Variants in SNX6 observed in about 807,000 individuals in gnomAD.
SNX6 encodes the protein sorting nexin-6.
A neutral mutation model predicts 63.0 loss-of-function variants in SNX6; 34 were observed. The observed-to-expected ratio is 0.54, with a 90% confidence interval of 0.41 to 0.72. The LOEUF is 0.72. SNX6 is among the 30% of genes least tolerant of loss of function. SNX6 has a pLI of 0.00. For missense variants in SNX6, 398 were observed against 471.4 expected (o/e 0.84, Z 1.44); for synonymous variants, 170 against 164.2 (o/e 1.04, Z -0.27).
intron 2 of SNX6, chr14:34,629,509 C>G (rs770188895): frequency 2.2e-5 from 11 of 495,724 alleles, no homozygotes; most frequent in Non-Finnish European, 4.3e-5. Context: ...TTCGAGATGT[C>G]CACACCGGGT....
At chr14:34,603,221 T>G in intron 6 of SNX6, 127 bp downstream of exon 6, 1 of 834,736 alleles carries the variant, frequency 1.2e-6, no homozygotes, top group Non-Finnish European at 1.7e-6. Context: ...GAGCTTGCAG[T>G]GAGCCAAGAT....
At chr14:34,628,555 G>A (rs773736272) in intron 2 of SNX6, among the ~76,000 whole-genome samples, 1 of 152,048 alleles carries the variant, frequency 6.6e-6, no homozygotes, top group Non-Finnish European at 1.5e-5. Context: ...CTTAAGCCCA[G>A]GAGGTCAAGG....
At chr14:34,601,746 C>G (rs1229347450) in intron 6 of SNX6, among the ~76,000 whole-genome samples, 1 of 151,686 alleles carries the variant, frequency 6.6e-6, no homozygotes, top group Non-Finnish European at 1.5e-5. Flanking sequence ...AGGCGCCCAC[C>G]ACCATGCCCA....
At chr14:34,596,634 G>A (rs1289815628) in intron 7 of SNX6, among the ~76,000 whole-genome samples, 3 of 120,736 alleles carry the variant, frequency 2.5e-5, no homozygotes, top group African/African-American at 8.0e-5. Flanking sequence ...AAAAAAAAAA[G>A]AGAGAGAGAG....
At chr14:34,630,089 C>A in intron 1 of SNX6, 22 bp downstream of exon 1, 1 of 1,448,948 alleles carries the variant, frequency 6.9e-7, no homozygotes, top group South Asian at 1.4e-5. Flanking sequence ...TCCCGGGACT[C>A]GGCGCCGCGG....
At chr14:34,582,383 C>G (rs1191237170) in intron 9 of SNX6, among the ~76,000 whole-genome samples, 2 of 151,856 alleles carry the variant, frequency 1.3e-5, no homozygotes, top group Non-Finnish European at 2.9e-5. Flanking sequence ...CCCAGCTATT[C>G]GGGAGGCTAA....
intron 5 of SNX6, chr14:34,604,252 T>G: frequency 7.8e-7 from 1 of 1,284,276 alleles, no homozygotes; most frequent in Non-Finnish European, 1.0e-6. Context: ...AACCCAAGGT[T>G]CTCTGTTATC....
chr14:34,569,543 C>T (rs1367592547), intron 11 of SNX6, among the ~76,000 whole-genome samples: 2 of 152,146 alleles, frequency 1.3e-5, no homozygotes, highest in Non-Finnish European at 2.9e-5. Context: ...TCTCCTGCCT[C>T]AGCCTCCTGA....
At chr14:34,608,954 G>A (rs1266050074) in intron 3 of SNX6, among the ~76,000 whole-genome samples, 6 of 152,056 alleles carry the variant, frequency 3.9e-5, no homozygotes, top group Admixed American at 6.6e-5. Flanking sequence ...CTTGAACCCA[G>A]GAGGCAGAGG....
intron 6 of SNX6, among the ~76,000 whole-genome samples, chr14:34,600,874 T>C (rs543703773): frequency 6.6e-6 from 1 of 152,070 alleles, no homozygotes. Flanking sequence ...CCTGTCTCTA[T>C]TAAAATATAA....
At chr14:34,628,567 T>A (rs1658109537) in intron 2 of SNX6, among the ~76,000 whole-genome samples, 1 of 152,036 alleles carries the variant, frequency 6.6e-6, no homozygotes, top group Non-Finnish European at 1.5e-5. Flanking sequence ...AGGTCAAGGC[T>A]GCAGTGAGCT....
At chr14:34,596,634 G>C (rs1289815628) in intron 7 of SNX6, among the ~76,000 whole-genome samples, 1 of 120,778 alleles carries the variant, frequency 8.3e-6, no homozygotes, top group Admixed American at 9.4e-5. Flanking sequence ...AAAAAAAAAA[G>C]AGAGAGAGAG....
intron 13 of SNX6, 58 bp downstream of exon 13, chr14:34,567,628 C>A: frequency 2.3e-6 from 3 of 1,308,056 alleles, no homozygotes; most frequent in African/African-American, 1.5e-5. Context: ...AATGTCATAA[C>A]TGATTCATTT....
chr14:34,586,443 A>T, intron 8 of SNX6, 138 bp from the exon 9 acceptor site: 2 of 410,676 alleles, frequency 4.9e-6, no homozygotes, highest in Non-Finnish European at 4.5e-6. Flanking sequence ...ATGGTGGCTC[A>T]TGCCTGTAAT....
chr14:34,567,792 T>C (rs1243622241), intron 12 of SNX6, 21 bp from the exon 13 acceptor site: 2 of 1,612,154 alleles, frequency 1.2e-6, no homozygotes, highest in African/African-American at 1.3e-5. Context: ...GAAATTAGGA[T>C]TATTTAATTT....
chr14:34,606,235 T>C (rs1013246891), intron 4 of SNX6, among the ~76,000 whole-genome samples: 1 of 151,386 alleles, frequency 6.6e-6, no homozygotes, highest in South Asian at 2.1e-4. Flanking sequence ...CTTGCTCTGT[T>C]TCCCAGGCTG....
intron 11 of SNX6, among the ~76,000 whole-genome samples, chr14:34,573,317 G>A (rs535938783): frequency 6.6e-6 from 1 of 152,220 alleles, no homozygotes; most frequent in Admixed American, 6.5e-5. Flanking sequence ...GTTCACGCCT[G>A]TAATCCTAGC....
intron 11 of SNX6, chr14:34,569,219 C>T (rs1881332029): frequency 1.6e-6 from 1 of 611,008 alleles, no homozygotes; most frequent in Non-Finnish European, 2.9e-6. Context: ...TACCACATAA[C>T]TCACAATTTA....
intron 2 of SNX6, 55 bp downstream of exon 2, chr14:34,629,852 C>T: frequency 1.3e-6 from 2 of 1,548,720 alleles, no homozygotes; most frequent in Non-Finnish European, 1.7e-6. Flanking sequence ...CCCGGGGACC[C>T]AGGATGGGGA....
Sources: gnomAD v4.1 joint callset for allele counts (sites outside exome capture counted in the v4.1 genomes callset) on GRCh38, gnomAD v4.1.1 for gene constraint, MANE v1.5 for transcripts, NCBI Gene and HGNC (gene_info 2026-07-23, HGNC 2026-07-21) for gene names.